The following FAF1 variants were observed in gnomAD, a reference collection of about 807,000 sequenced individuals.
FAF1 encodes FAS-associated factor 1.
In FAF1, 25 loss-of-function variants were observed where a neutral mutation model predicts 92.5. The observed-to-expected ratio is 0.27, with a 90% CI of 0.20 to 0.38. The LOEUF (loss-of-function observed/expected upper bound fraction) is 0.38. Among genes scored for constraint, FAF1 ranks in the 10% least tolerant of loss-of-function variants. The probability of loss-of-function intolerance (pLI) is 1.00; values close to 1 mark genes in which losing one functional copy is unlikely to be tolerated. For synonymous variants in FAF1, 234 were observed against 273.2 expected, an observed-to-expected ratio of 0.86 and a Z score of 1.42; for missense variants, 636 against 793.3, an observed-to-expected ratio of 0.80 and a Z score of 2.38.
Position 50,584,728 on chromosome 1 carries a change from T to C in FAF1, c.924A>G (p.Glu308=). ...DATEFGVDDG[E]VFGMASSALR... ...AGGCAGATGACGCCATGCCAAATAC[T>C]TCTCCATCATCCACCCCAAATTCTG... The change falls in exon 10 of 19, where the codon GAA becomes GAG. Residue 308 remains glutamate, a synonymous_variant. Transcript: ENST00000396153. 6.2e-7 allele frequency: 1 copy of C among 1,613,706 alleles called. No homozygotes were observed. The highest frequency in any genetic ancestry group is 1.1e-5 in the South Asian group (1 of 91,068).
chr1:50,503,726 T>A (rs975189396), intron 15 of FAF1, among the ~76,000 whole-genome samples: 2 of 151,966 alleles, frequency 1.3e-5, no homozygotes, highest in African/African-American at 4.8e-5. Context: ...ATTATTGATA[T>A]ATGCAACAAT....
intron 4 of FAF1, among the ~76,000 whole-genome samples, chr1:50,771,234 AAAC>A (rs766746849): frequency 6.6e-6 from 1 of 152,206 alleles, no homozygotes; most frequent in Non-Finnish European, 1.5e-5. Context: ...ATTCCAATAA[AAAC>A]AAAAATTGAC....
At chr1:50,785,312 C>A (rs1203401522) in intron 4 of FAF1, among the ~76,000 whole-genome samples, 1 of 151,654 alleles carries the variant, frequency 6.6e-6, no homozygotes, top group Non-Finnish European at 1.5e-5. Context: ...AGCTTCTGCA[C>A]AGAAAAGTAA....
chr1:50,813,524 A>G (rs1164911793), intron 2 of FAF1, among the ~76,000 whole-genome samples: 1 of 152,126 alleles, frequency 6.6e-6, no homozygotes, highest in Non-Finnish European at 1.5e-5. Flanking sequence ...GTAGTGGCAC[A>G]ATCATAGCTC....
At chr1:50,667,187 G>A (rs533098259) in intron 7 of FAF1, among the ~76,000 whole-genome samples, 2 of 152,292 alleles carry the variant, frequency 1.3e-5, no homozygotes, top group Admixed American at 6.5e-5. Flanking sequence ...AAGGAAAAAG[G>A]AGAAGAGCAT....
At chr1:50,777,874 C>T (rs965056030) in intron 4 of FAF1, among the ~76,000 whole-genome samples, 2 of 151,984 alleles carry the variant, frequency 1.3e-5, no homozygotes, top group African/African-American at 4.8e-5. Flanking sequence ...TAAATTGGTT[C>T]GACCATTTTA....
chr1:50,797,642 G>A (rs1195552990), intron 3 of FAF1, among the ~76,000 whole-genome samples: 1 of 152,080 alleles, frequency 6.6e-6, no homozygotes, highest in Non-Finnish European at 1.5e-5. Flanking sequence ...GAGGCTGCAG[G>A]AGGCTGTGAT....
chr1:50,898,366 T>G (rs1644772311), intron 1 of FAF1, among the ~76,000 whole-genome samples: 1 of 152,176 alleles, frequency 6.6e-6, no homozygotes, highest in African/African-American at 2.4e-5. Flanking sequence ...ACTATGCAGC[T>G]ATAAAAGAAA....
chr1:50,555,413 G>GA (rs1160988978), intron 13 of FAF1, among the ~76,000 whole-genome samples: 3 of 151,808 alleles, frequency 2.0e-5, no homozygotes, highest in Admixed American at 6.6e-5. Flanking sequence ...AAATCAGCCA[G>GA]AAAAAAACAA....
intron 13 of FAF1, among the ~76,000 whole-genome samples, chr1:50,561,264 T>C (rs558387327): frequency 5.9e-5 from 9 of 152,278 alleles, no homozygotes; most frequent in East Asian, 1.9e-4. Context: ...ACCTGAGGCA[T>C]ATGAGCGTAC....
intron 18 of FAF1, among the ~76,000 whole-genome samples, chr1:50,469,816 T>G (rs1646548628): frequency 6.6e-6 from 1 of 152,152 alleles, no homozygotes; most frequent in Non-Finnish European, 1.5e-5. Context: ...GTTGCGACCA[T>G]CTAGATACTA....
At chr1:50,791,655 G>T (rs1246744602) in intron 3 of FAF1, among the ~76,000 whole-genome samples, 1 of 152,144 alleles carries the variant, frequency 6.6e-6, no homozygotes, top group Non-Finnish European at 1.5e-5. Flanking sequence ...ATTCACAGAG[G>T]TCTGATCCCC....
intron 1 of FAF1, among the ~76,000 whole-genome samples, chr1:50,872,431 A>T (rs953248727): frequency 3.9e-5 from 6 of 152,242 alleles, no homozygotes; most frequent in Non-Finnish European, 7.3e-5. Context: ...CTTATGGATG[A>T]GCAAAAAAAG....
intron 7 of FAF1, among the ~76,000 whole-genome samples, chr1:50,695,915 C>T (rs1020387973): frequency 1.3e-5 from 2 of 148,798 alleles, no homozygotes; most frequent in Non-Finnish European, 3.0e-5. Flanking sequence ...TCCCAAAGTA[C>T]TGGGATTACA....
chr1:50,807,220 A>G (rs1170065805), intron 2 of FAF1, among the ~76,000 whole-genome samples: 1 of 152,280 alleles, frequency 6.6e-6, no homozygotes, highest in African/African-American at 2.4e-5. Flanking sequence ...AAAGACTCCA[A>G]CAATTTTAAA....
At chr1:50,469,543 T>C (rs1229045776) in intron 18 of FAF1, 10 of 152,036 alleles carry the variant, frequency 6.6e-5, no homozygotes, top group African/African-American at 2.2e-4. Flanking sequence ...TTATATGCCA[T>C]GGTAAGGAGT....
intron 7 of FAF1, among the ~76,000 whole-genome samples, chr1:50,662,683 CTTTTTTTTTTTTTTT>C (rs58193277): frequency 7.7e-5 from 6 of 77,602 alleles, no homozygotes; most frequent in South Asian, 1.5e-3. Flanking sequence ...GAATTTGTAT[CTTTTTTTTTTTTTTT>C]TTTTTTTTTT....
At chr1:50,469,281 TCAAG>T (rs1646540339) in intron 18 of FAF1, among the ~76,000 whole-genome samples, 2 of 152,192 alleles carry the variant, frequency 1.3e-5, no homozygotes, top group Admixed American at 1.3e-4. Context: ...ATGTACACTC[TCAAG>T]CAAGTAATTT....
At chr1:50,629,393 T>A (rs1396901117) in intron 8 of FAF1, among the ~76,000 whole-genome samples, 2 of 152,120 alleles carry the variant, frequency 1.3e-5, no homozygotes, top group Non-Finnish European at 2.9e-5. Context: ...GGTCTCGAAC[T>A]CCTGACCTCA....
Sources: allele counts gnomAD v4.1 joint callset (sites outside exome capture counted in the v4.1 genomes callset), GRCh38; gene constraint gnomAD v4.1.1; transcripts MANE v1.5; gene names NCBI Gene and HGNC (gene_info 2026-07-23, HGNC 2026-07-21).